The following CSMD1 variants were observed in gnomAD, a reference collection of about 807,000 sequenced individuals.
CSMD1 encodes CUB and Sushi multiple domains 1.
A neutral mutation model predicts 417.5 loss-of-function variants in CSMD1; 213 were observed. That is an observed-to-expected ratio of 0.51 (90% CI 0.46 to 0.57). The LOEUF is 0.57. Among genes scored for constraint, CSMD1 ranks in the 20% least tolerant of loss-of-function variants. The pLI, the probability that CSMD1 is intolerant of heterozygous loss-of-function variation, is 0.00. For synonymous variants in CSMD1, 2,862 were observed against 1,736.8 expected (o/e 1.65, Z -16.11); for missense variants, 6,923 against 4,529.7 (o/e 1.53, Z -15.17).
intron 1 of CSMD1, among the ~76,000 whole-genome samples, chr8:4,979,105 C>T (rs891529742): frequency 2.6e-5 from 4 of 152,276 alleles, no homozygotes; most frequent in East Asian, 3.9e-4. Context: ...TGTTAAAACA[C>T]GTCTTTTCTA....
chr8:3,116,014 C>A (rs1213455470), intron 42 of CSMD1, among the ~76,000 whole-genome samples: 1 of 152,160 alleles, frequency 6.6e-6, no homozygotes, highest in Non-Finnish European at 1.5e-5. Context: ...GCAGTGTTTA[C>A]CGCTGTCTCT....
intron 3 of CSMD1, among the ~76,000 whole-genome samples, chr8:4,140,312 C>T (rs1803707612): frequency 1.3e-5 from 2 of 151,032 alleles, no homozygotes; most frequent in Middle Eastern, 3.4e-3. Flanking sequence ...GCCTGACAAA[C>T]ATGGTGAAAT....
In CSMD1 at chr8:4,285,253, C is replaced by A. The variant is rs182909234; in HGVS notation, c.415+134700G>T. Among the ~76,000 whole-genome samples, 6 of 152,316 alleles carry A rather than the reference C, an allele frequency of 3.9e-5. No individual in the cohort carries two copies. In the East Asian group the frequency reaches 9.6e-4, roughly 24 times the overall value. ...CCGGTTTCATCATACAGCAGGCCGA[C>A]TGTAGCCTTAAATGCCATTTCGTTC... On this transcript the variant is annotated intron_variant, in intron 3 of 69. Transcript: ENST00000635120.
chr8:4,300,892 C>A (rs1585188290), intron 3 of CSMD1, among the ~76,000 whole-genome samples: 1 of 152,142 alleles, frequency 6.6e-6, no homozygotes. Context: ...ACATAGTATT[C>A]CATGGTGTAT....
At chr8:3,928,383 G>A (rs1216569637) in intron 5 of CSMD1, among the ~76,000 whole-genome samples, 1 of 152,194 alleles carries the variant, frequency 6.6e-6, no homozygotes, top group Non-Finnish European at 1.5e-5. Context: ...ATAAAAAAAT[G>A]TGTAGGTAGC....
chr8:4,532,490 G>C (rs1187182646), intron 2 of CSMD1, among the ~76,000 whole-genome samples: 1 of 145,596 alleles, frequency 6.9e-6, no homozygotes, highest in African/African-American at 2.6e-5. Context: ...CACTCCGGAA[G>C]AGAAATCCCG....
intron 14 of CSMD1, among the ~76,000 whole-genome samples, chr8:3,407,154 G>C (rs1276280742): frequency 7.6e-6 from 1 of 132,100 alleles, no homozygotes; most frequent in Non-Finnish European, 1.6e-5. Flanking sequence ...TGCATGGATG[G>C]ATGGACAGAT....
At chr8:3,875,188 G>A (rs1387323935) in intron 5 of CSMD1, among the ~76,000 whole-genome samples, 1 of 152,156 alleles carries the variant, frequency 6.6e-6, no homozygotes, top group South Asian at 2.1e-4. Context: ...CAGTGGGGAA[G>A]GAGTGGAACA....
intron 1 of CSMD1, among the ~76,000 whole-genome samples, chr8:4,787,179 G>C (rs111635408): frequency 3.3e-5 from 5 of 152,324 alleles, no homozygotes; most frequent in African/African-American, 1.2e-4. Flanking sequence ...GCGGAGCTCG[G>C]AAAGAGTGGC....
chr8:4,814,353 C>A (rs1471836256), intron 1 of CSMD1, among the ~76,000 whole-genome samples: 1 of 152,186 alleles, frequency 6.6e-6, no homozygotes, highest in Non-Finnish European at 1.5e-5. Flanking sequence ...TCAAGCAAAT[C>A]TCCTGCCTCA....
At chr8:2,992,168 T>C (rs1248685752) in intron 54 of CSMD1, among the ~76,000 whole-genome samples, 1 of 151,956 alleles carries the variant, frequency 6.6e-6, no homozygotes, top group Non-Finnish European at 1.5e-5. Context: ...TGAACAGACA[T>C]GCACACACAT....
At chr8:2,962,874 C>G (rs1208578038) in intron 60 of CSMD1, among the ~76,000 whole-genome samples, 1 of 152,120 alleles carries the variant, frequency 6.6e-6, no homozygotes, top group Non-Finnish European at 1.5e-5. Context: ...CATGGCGAAA[C>G]CTATGTCTAC....
chr8:4,623,272 T>C (rs1801885107), intron 2 of CSMD1, among the ~76,000 whole-genome samples: 1 of 151,982 alleles, frequency 6.6e-6, no homozygotes, highest in South Asian at 2.1e-4. Flanking sequence ...AAATGCAAAT[T>C]CACATCACCG....
chr8:4,189,643 G>A (rs1328269402), intron 3 of CSMD1, among the ~76,000 whole-genome samples: 4 of 152,114 alleles, frequency 2.6e-5, no homozygotes, highest in Non-Finnish European at 4.4e-5. Context: ...CCCTTCTACT[G>A]ATGTTCTAAA....
intron 25 of CSMD1, among the ~76,000 whole-genome samples, chr8:3,294,122 C>G (rs566962295): frequency 1.8e-4 from 28 of 152,302 alleles, no homozygotes; most frequent in Non-Finnish European, 3.5e-4. Context: ...GTATCAGCAG[C>G]AGAGACTGCA....
At chr8:4,929,273 G>A (rs76048593) in intron 1 of CSMD1, among the ~76,000 whole-genome samples, 3,295 of 152,176 alleles carry the variant, frequency 0.022, 83 homozygotes, top group African/African-American at 0.064. Context: ...TGCAGACACC[G>A]TCGTTGTGGA....
At chr8:4,102,823 C>G (rs566805847) in intron 3 of CSMD1, among the ~76,000 whole-genome samples, 3 of 152,158 alleles carry the variant, frequency 2.0e-5, no homozygotes, top group Admixed American at 1.3e-4. Flanking sequence ...AGCCCGCATT[C>G]ATATCCTGCT....
intron 3 of CSMD1, among the ~76,000 whole-genome samples, chr8:4,402,227 G>C (rs905117428): frequency 4.6e-5 from 7 of 151,908 alleles, no homozygotes; most frequent in Admixed American, 2.6e-4. Flanking sequence ...TCTCTGTTTT[G>C]GGGGCTCATT....
intron 3 of CSMD1, among the ~76,000 whole-genome samples, chr8:4,353,300 C>G (rs938366339): frequency 1.5e-4 from 23 of 152,160 alleles, no homozygotes; most frequent in Non-Finnish European, 2.9e-4. Context: ...GAGTTTCCTT[C>G]ACAAGCTCTC....
Sources: allele counts gnomAD v4.1 joint callset (sites outside exome capture counted in the v4.1 genomes callset), GRCh38; gene constraint gnomAD v4.1.1; transcripts MANE v1.5; gene names NCBI Gene and HGNC (gene_info 2026-07-23, HGNC 2026-07-21).